ST7: variants seen among roughly 807,000 people sequenced by gnomAD.
ST7 encodes the protein suppressor of tumorigenicity 7 protein.
A neutral mutation model predicts 78.7 loss-of-function variants in ST7; 28 were observed. The ratio of observed to expected loss-of-function variants is 0.36; its 90% CI spans 0.26 to 0.49. The LOEUF is 0.49. Ranked by LOEUF, ST7 falls within the 20% of genes least tolerant of loss-of-function variation. ST7 has a pLI of 0.99. For synonymous variants in ST7, 247 were observed against 249.6 expected, an observed-to-expected ratio of 0.99 and a Z score of 0.10; for missense variants, 418 against 696.0, an observed-to-expected ratio of 0.60 and a Z score of 4.49.
At chr7:117,136,012 T>G in intron 7 of ST7, 69 bp from the exon 8 acceptor site, 690 of 1,533,692 alleles carry the variant, frequency 4.5e-4, no homozygotes, top group Non-Finnish European at 5.6e-4. Flanking sequence ...CCTTTCTGCA[T>G]GAGCTCCTAC....
chr7:117,021,743 A>G (rs1182713982), intron 1 of ST7, among the ~76,000 whole-genome samples: 1 of 152,206 alleles, frequency 6.6e-6, no homozygotes, highest in Non-Finnish European at 1.5e-5. Flanking sequence ...CTCATCTCAG[A>G]CTACCACATT....
chr7:117,217,270 T>C (rs1360161915), intron 13 of ST7, among the ~76,000 whole-genome samples: 1 of 148,472 alleles, frequency 6.7e-6, no homozygotes, highest in East Asian at 1.9e-4. Flanking sequence ...CCTTTGCACA[T>C]GGAGAATCTG....
intron 2 of ST7, among the ~76,000 whole-genome samples, chr7:117,117,605 C>T (rs1802992074): frequency 6.6e-6 from 1 of 152,142 alleles, no homozygotes; most frequent in Non-Finnish European, 1.5e-5. Context: ...TGATGATTTA[C>T]AGTACTTTCT....
intron 1 of ST7, among the ~76,000 whole-genome samples, chr7:117,010,410 T>C (rs1248500715): frequency 1.3e-5 from 2 of 152,220 alleles, no homozygotes; most frequent in East Asian, 3.8e-4. Context: ...TTCTCACATT[T>C]TGGGATAGGC....
intron 2 of ST7, among the ~76,000 whole-genome samples, chr7:117,102,420 T>C (rs1357882724): frequency 6.6e-6 from 1 of 152,172 alleles, no homozygotes; most frequent in Non-Finnish European, 1.5e-5. Flanking sequence ...AGGCTTTAGA[T>C]AATCTCTTCA....
At chr7:116,969,404 G>A (rs567478644) in intron 1 of ST7, among the ~76,000 whole-genome samples, 1 of 152,274 alleles carries the variant, frequency 6.6e-6, no homozygotes, top group African/African-American at 2.4e-5. Context: ...TTCTTCTTAT[G>A]ATTTTCTGGG....
intron 1 of ST7, among the ~76,000 whole-genome samples, chr7:117,056,634 CAAAAAT>C (rs978603913): frequency 4.0e-5 from 6 of 150,014 alleles, no homozygotes; most frequent in African/African-American, 1.2e-4. Flanking sequence ...AACTCCGTCT[CAAAAAT>C]AAAAATAAAA....
intron 10 of ST7, among the ~76,000 whole-genome samples, chr7:117,172,709 C>T (rs1808088611): frequency 6.6e-6 from 1 of 152,226 alleles, no homozygotes; most frequent in African/African-American, 2.4e-5. Flanking sequence ...GGAATTCAGT[C>T]CCATGGCCAT....
chr7:117,162,366 A>G (rs1462214719), intron 9 of ST7, among the ~76,000 whole-genome samples: 2 of 152,012 alleles, frequency 1.3e-5, no homozygotes, highest in African/African-American at 4.8e-5. Context: ...ATTTTTGTCC[A>G]CATTAAGATA....
In ST7 at chr7:117,172,843, G is replaced by A. The variant is rs1808099599; in HGVS notation, c.1078+1867G>A. Among the ~76,000 whole-genome samples, 5 of 152,176 alleles carry A rather than the reference G, an allele frequency of 3.3e-5. No individual in the cohort carries two copies. The South Asian group carries it at 1.0e-3, about 31-fold the overall frequency. On this transcript the variant is annotated intron_variant, in intron 10 of 15. Coordinates refer to ENST00000323984, the MANE Select transcript of ST7 (RefSeq NM_001369598.1). Reference sequence around the variant, plus strand: ...GCCTTCAGAAATAAAACTTTAATCAGTAGAGCCTTTGGGATGGCAAGCCTC... The same window carrying A: ...GCCTTCAGAAATAAAACTTTAATCAATAGAGCCTTTGGGATGGCAAGCCTC...
At chr7:117,037,960 A>C (rs1267151651) in intron 1 of ST7, among the ~76,000 whole-genome samples, 1 of 152,222 alleles carries the variant, frequency 6.6e-6, no homozygotes, top group Non-Finnish European at 1.5e-5. Context: ...ACTGCTTAGG[A>C]GAAGGGGCTG....
chr7:117,024,458 A>G (rs1364016814), intron 1 of ST7, among the ~76,000 whole-genome samples: 4 of 152,118 alleles, frequency 2.6e-5, no homozygotes, highest in Non-Finnish European at 5.9e-5. Context: ...TGTGGTGGGA[A>G]TTGTGCCCTG....
intron 12 of ST7, among the ~76,000 whole-genome samples, chr7:117,193,101 T>G (rs750501771): frequency 6.6e-6 from 1 of 151,854 alleles, no homozygotes; most frequent in Non-Finnish European, 1.5e-5. Flanking sequence ...TAGCCACAGA[T>G]TTCTAATATA....
intron 9 of ST7, among the ~76,000 whole-genome samples, chr7:117,145,141 G>A (rs1226455031): frequency 6.6e-6 from 1 of 152,068 alleles, no homozygotes; most frequent in Non-Finnish European, 1.5e-5. Context: ...TGAAGTTAAG[G>A]CTGCAGTGAG....
At chr7:117,129,711 A>G in intron 3 of ST7, 82 bp from the exon 4 acceptor site, 1 of 1,044,946 alleles carries the variant, frequency 9.6e-7, no homozygotes, top group South Asian at 1.3e-5. Context: ...ATCAAATGGC[A>G]GGAAGGGTGT....
At position 117,196,754 on chromosome 7, in the gene ST7, C is replaced by G. The variant is rs887587592; in HGVS notation, c.1254+5818C>G. On this transcript the variant is annotated intron_variant, in intron 12 of 15. Transcript: ENST00000323984. Reference sequence around the variant, plus strand: ...CTATTCCACAGGTTACCTTTTCGCTCTGTTGATTGTTTTCTTTGCTACACA... The same window carrying G: ...CTATTCCACAGGTTACCTTTTCGCTGTGTTGATTGTTTTCTTTGCTACACA... Among the ~76,000 whole-genome samples the G allele has an allele frequency of 6.1e-5, 9 of 148,282 alleles. No homozygotes were observed. The East Asian group carries it at 1.0e-3, about 16-fold the overall frequency.
intron 1 of ST7, among the ~76,000 whole-genome samples, chr7:116,968,201 CTTTT>C (rs1024000896): frequency 2.6e-5 from 4 of 151,876 alleles, no homozygotes; most frequent in African/African-American, 9.7e-5. Context: ...CTAATATTCA[CTTTT>C]TTTGTTTTGT....
rs1803187049 is a variant in ST7, at chr7:117,119,479, A to G, written c.235-82A>G. On this transcript the variant is annotated intron_variant, in intron 2 of 15. Transcript: ENST00000323984. Reference sequence around the variant, plus strand: ...AAATATACTTAAGGTGGAATTAGTAAATGTAACATGTTTTATGGGCATGTG... The same window carrying G: ...AAATATACTTAAGGTGGAATTAGTAGATGTAACATGTTTTATGGGCATGTG... 18 of 1,308,630 alleles carry G rather than the reference A, an allele frequency of 1.4e-5. No homozygotes were observed. The South Asian group carries it at 1.9e-4, about 14-fold the overall frequency. 81.1% of individuals were successfully genotyped at this position (1,308,630 alleles called of 1,614,324 possible).
chr7:117,070,358 A>G (rs1369951337), intron 1 of ST7, among the ~76,000 whole-genome samples: 1 of 152,148 alleles, frequency 6.6e-6, no homozygotes, highest in African/African-American at 2.4e-5. Flanking sequence ...ATAAAGCACC[A>G]TTTTCCAAAT....
Sources: allele counts gnomAD v4.1 joint callset (sites outside exome capture counted in the v4.1 genomes callset), GRCh38; gene constraint gnomAD v4.1.1; transcripts MANE v1.5; gene names NCBI Gene and HGNC (gene_info 2026-07-23, HGNC 2026-07-21).